CAPRIN2: variants seen among roughly 807,000 people sequenced by gnomAD.
CAPRIN2 encodes the protein caprin-2.
Under a neutral mutation model 130.4 loss-of-function variants are expected in CAPRIN2, and 66 were observed. That is an observed-to-expected ratio of 0.51 (90% CI 0.42 to 0.62). The LOEUF (loss-of-function observed/expected upper bound fraction) is 0.62, where lower values mean the gene tolerates loss of function less well. Among genes scored for constraint, CAPRIN2 ranks in the 20% least tolerant of loss-of-function variants. The probability of loss-of-function intolerance (pLI) is 0.00; values close to 1 mark genes in which losing one functional copy is unlikely to be tolerated. For synonymous variants in CAPRIN2, 471 were observed against 444.1 expected (o/e 1.06, Z -0.76); for missense variants, 1,185 against 1,246.6 (o/e 0.95, Z 0.74).
chr12:30,749,416 A>T (rs540819854), intron 2 of CAPRIN2, among the ~76,000 whole-genome samples: 1 of 152,224 alleles, frequency 6.6e-6, no homozygotes, highest in Non-Finnish European at 1.5e-5. Flanking sequence ...CGTTGAACAG[A>T]CTTGGAGAGG....
Position 30,719,084 on chromosome 12 carries a change from G to A in CAPRIN2, c.2148+1727C>T. 6.2e-7 allele frequency: 1 copy of A among 1,613,166 alleles called. No individual in the cohort carries two copies. The highest frequency in any genetic ancestry group is 8.5e-7 in the Non-Finnish European group (1 of 1,179,410). On this transcript the variant is annotated intron_variant, in intron 12 of 16. Coordinates refer to ENST00000298892, the Ensembl canonical transcript of CAPRIN2. ...CATTCATGTTTCATACTCACTGTCTGCATGGCTTGAAAGGGTGCTGTGTTA... is the reference window on the plus strand; with the variant it reads ...CATTCATGTTTCATACTCACTGTCTACATGGCTTGAAAGGGTGCTGTGTTA...
intron 2 of CAPRIN2, among the ~76,000 whole-genome samples, chr12:30,743,346 T>A (rs7136079): frequency 2.0e-5 from 3 of 151,936 alleles, no homozygotes; most frequent in Non-Finnish European, 4.4e-5. Context: ...CAAATTCAAA[T>A]GTGTTTTCAG....
chr12:30,716,969 A>G (rs1242414294), intron 12 of CAPRIN2, among the ~76,000 whole-genome samples: 2 of 152,206 alleles, frequency 1.3e-5, no homozygotes, highest in African/African-American at 2.4e-5. Context: ...GAGGAACTGG[A>G]ACCCTCATGC....
intron 2 of CAPRIN2, among the ~76,000 whole-genome samples, chr12:30,748,157 C>G (rs1317362585): frequency 6.6e-6 from 1 of 152,178 alleles, no homozygotes; most frequent in Non-Finnish European, 1.5e-5. Context: ...GATAAAGCAG[C>G]AGCAGGGTTC....
intron 7 of CAPRIN2, among the ~76,000 whole-genome samples, chr12:30,729,625 T>C (rs1026092834): frequency 4.6e-5 from 7 of 152,238 alleles, no homozygotes; most frequent in African/African-American, 1.7e-4. Context: ...CTACCAAGGC[T>C]GTTCCGCCTT....
chr12:30,743,602 C>T (rs1483835383), intron 2 of CAPRIN2, among the ~76,000 whole-genome samples: 2 of 152,140 alleles, frequency 1.3e-5, no homozygotes, highest in Non-Finnish European at 2.9e-5. Context: ...TATTTACTAG[C>T]AATTTTTCCA....
At position 30,750,995 on chromosome 12, in the gene CAPRIN2, G is replaced by A. The variant is rs1352184587; in HGVS notation, c.483+76C>T. 2.8e-5 allele frequency: 29 copies of A among 1,035,654 alleles called. 1 individual carries two copies. The South Asian group carries it at 2.9e-4, about 10-fold the overall frequency. The allele number at this position is 1,035,654 out of a possible 1,614,324, so 64.2% of individuals were successfully genotyped here. ...TGTGTGTGTGTGTGCTATAAAGACT[G>A]ATCGCACTAAATCCATGTAGTTTTA... is the stretch of plus-strand genomic sequence containing the variant. On this transcript the variant is annotated intron_variant, in intron 2 of 16. Transcript: ENST00000298892.
Position 30,716,356 on chromosome 12 carries a change from G to C in CAPRIN2, c.2317+152C>G. 4.6e-6 allele frequency: 3 copies of C among 656,502 alleles called. No individual in the cohort carries two copies. In the South Asian group the frequency reaches 6.3e-5, roughly 14 times the overall value. The allele number at this position is 656,502 out of a possible 1,614,324, so 40.7% of individuals were successfully genotyped here. A position where few individuals can be genotyped will look rare whatever the true frequency, so the allele number is the denominator to read the frequency against. On this transcript the variant is annotated intron_variant, in intron 13 of 16. Coordinates refer to ENST00000298892, the Ensembl canonical transcript of CAPRIN2. ...AAACTTAACACAAAAAAGGGCATTAGGTTTTTCTCAACACTGGAGGAACAT... is the reference window on the plus strand; with the variant it reads ...AAACTTAACACAAAAAAGGGCATTACGTTTTTCTCAACACTGGAGGAACAT...
intron 6 of CAPRIN2, among the ~76,000 whole-genome samples, chr12:30,730,721 G>A (rs921739824): frequency 6.6e-6 from 1 of 152,066 alleles, no homozygotes; most frequent in Non-Finnish European, 1.5e-5. Flanking sequence ...CTTAAGCACT[G>A]CACTTAGTAT....
exon 1 of CAPRIN2, chr12:30,754,203 C>G (rs971233296): frequency 6.3e-6 from 1 of 159,032 alleles, no homozygotes; most frequent in Non-Finnish European, 1.4e-5. Context: ...ACTCTCTCAA[C>G]CTGCAGGAAC....
At chr12:30,743,769 C>T (rs1592260015) in intron 2 of CAPRIN2, among the ~76,000 whole-genome samples, 2 of 152,258 alleles carry the variant, frequency 1.3e-5, no homozygotes, top group Admixed American at 1.3e-4. Flanking sequence ...CCATTATTGT[C>T]CAAACATTAA....
intron 4 of CAPRIN2, 45 bp from the exon 6 acceptor site, chr12:30,733,756 C>T (rs1240499702): frequency 2.4e-6 from 3 of 1,270,264 alleles, no homozygotes; most frequent in African/African-American, 1.5e-5. Flanking sequence ...TTTAGAAGTA[C>T]ATATATATGG....
exon 17 of CAPRIN2, chr12:30,709,810 C>T: frequency 7.0e-7 from 1 of 1,430,534 alleles, no homozygotes; most frequent in South Asian, 1.5e-5. Context: ...AAACATTTTC[C>T]TAAACCAATC....
rs1001590391 is a variant in CAPRIN2 at position 30,730,198 on chromosome 12, C to T, written c.1104+41G>A. ...TCCAACCATAACCCTATGCAAAAGG[C>T]TGAAAAATCAACATCAGCAAATTGT... On this transcript the variant is annotated intron_variant, in intron 7 of 16. Coordinates refer to ENST00000298892, the Ensembl canonical transcript of CAPRIN2. 4 of 1,548,744 alleles carry T rather than the reference C, an allele frequency of 2.6e-6. No individual in the cohort carries two copies. The African/African-American group carries it at 4.1e-5, about 16-fold the overall frequency.
At chr12:30,727,707 G>T (rs2061358117) in intron 8 of CAPRIN2, among the ~76,000 whole-genome samples, 1 of 152,174 alleles carries the variant, frequency 6.6e-6, no homozygotes, top group Non-Finnish European at 1.5e-5. Flanking sequence ...AAAGAATGTG[G>T]CCTTATGTTT....
intron 5 of CAPRIN2, 61 bp downstream of exon 6, chr12:30,733,568 C>A: frequency 8.8e-7 from 1 of 1,137,416 alleles, no homozygotes; most frequent in South Asian, 1.2e-5. Context: ...CAATATCATA[C>A]TAAACTTCTA....
chr12:30,716,702 C>A lies in CAPRIN2; in HGVS notation c.2149-26G>T. On this transcript the variant is annotated intron_variant, in intron 12 of 16. Transcript: ENST00000298892. ...CTTAAAAGACAAGGACACACTGAGTCATTTGGGAAGTTTCAAAGAAAATGC... is the reference window on the plus strand; with the variant it reads ...CTTAAAAGACAAGGACACACTGAGTAATTTGGGAAGTTTCAAAGAAAATGC... The A allele has an allele frequency of 2.5e-6, 4 of 1,599,510 alleles. No individual in the cohort carries two copies. In the South Asian group the frequency reaches 3.4e-5, roughly 13 times the overall value.
intron 12 of CAPRIN2, 108 bp downstream of exon 13, chr12:30,720,703 A>C: frequency 1.5e-6 from 1 of 683,572 alleles, no homozygotes; most frequent in Non-Finnish European, 2.6e-6. Context: ...ATACATTAAT[A>C]AAGTATAAAT....
intron 3 of CAPRIN2, among the ~76,000 whole-genome samples, chr12:30,736,440 A>T (rs111892630): frequency 4.6e-5 from 7 of 152,036 alleles, no homozygotes; most frequent in Non-Finnish European, 8.8e-5. Context: ...AGATGGGTCA[A>T]AGTACTTTGA....
Sources: allele counts gnomAD v4.1 joint callset (sites outside exome capture counted in the v4.1 genomes callset), GRCh38; gene constraint gnomAD v4.1.1; transcripts MANE v1.5; gene names NCBI Gene and HGNC (gene_info 2026-07-23, HGNC 2026-07-21).